NEBL: variants seen among roughly 807,000 people sequenced by gnomAD.
NEBL encodes the protein nebulette.
NEBL carries 122 observed loss-of-function variants against 140.2 expected under a neutral mutation model. The ratio of observed to expected loss-of-function variants is 0.87; its 90% CI spans 0.75 to 1.01. NEBL has a LOEUF of 1.01. NEBL is among the 50% of genes least tolerant of loss of function. The probability of loss-of-function intolerance (pLI) is 0.00; values close to 1 mark genes in which losing one functional copy is unlikely to be tolerated. For synonymous variants in NEBL, 436 were observed against 398.9 expected (o/e 1.09, Z -1.11); for missense variants, 1,365 against 1,231.3 (o/e 1.11, Z -1.62).
At chr10:21,208,058 G>A (rs910472827) in intron 3 of NEBL, among the ~76,000 whole-genome samples, 3 of 152,114 alleles carry the variant, frequency 2.0e-5, no homozygotes, top group Admixed American at 6.6e-5. Context: ...ATGATCACAG[G>A]GTGCCAAGTG....
intron 3 of NEBL, among the ~76,000 whole-genome samples, chr10:20,976,708 G>A (rs1297093001): frequency 6.6e-6 from 1 of 151,926 alleles, no homozygotes; most frequent in African/African-American, 2.4e-5. Context: ...TTATAAATAG[G>A]AGCTAAACAT....
chr10:21,261,930 G>C (rs1842743652), intron 1 of NEBL, among the ~76,000 whole-genome samples: 1 of 152,116 alleles, frequency 6.6e-6, no homozygotes, highest in African/African-American at 2.4e-5. Context: ...GCCGCCTGGA[G>C]ACCATGCAGG....
intron 2 of NEBL, among the ~76,000 whole-genome samples, chr10:21,131,790 A>C (rs978363282): frequency 1.3e-5 from 2 of 152,152 alleles, no homozygotes; most frequent in Non-Finnish European, 2.9e-5. Flanking sequence ...GAAGAAAAAA[A>C]TAAGAAAATG....
chr10:21,237,572 G>A (rs534032399), intron 3 of NEBL, among the ~76,000 whole-genome samples: 1 of 152,016 alleles, frequency 6.6e-6, no homozygotes, highest in East Asian at 1.9e-4. Context: ...CTTCCTTGGA[G>A]ACCATACAGC....
upstream of NEBL, among the ~76,000 whole-genome samples, chr10:21,177,356 T>C (rs543636853): frequency 5.9e-5 from 9 of 152,298 alleles, no homozygotes; most frequent in South Asian, 8.3e-4. Flanking sequence ...AGCCTTCACA[T>C]GACGGGAGTA....
At chr10:21,113,084 G>A (rs1838110103) in intron 2 of NEBL, 4 of 226,806 alleles carry the variant, frequency 1.8e-5, no homozygotes, top group Non-Finnish European at 3.4e-5. Flanking sequence ...AAGAGAAGGA[G>A]AATAAGAATA....
At position 20,783,705 on chromosome 10, in the gene NEBL, T is replaced by C. The variant is rs113384071; in HGVS notation, c.*2042A>G. The C allele has an allele frequency of 3.7e-4, 56 of 152,752 alleles. No individual in the cohort carries two copies. Among genetic ancestry groups the C allele is most frequent in the African/African-American group, 1.3e-3 (55 of 41,578 alleles). 9.5% of individuals were successfully genotyped at this position (152,752 alleles called of 1,614,324 possible). A position where few individuals can be genotyped will look rare whatever the true frequency, so the allele number is the denominator to read the frequency against. The stretch of plus-strand genomic sequence containing the variant: ...GGGTGAAATGTAAATATATACTTAG[T>C]AAAATAAAATTGAGCAGGTATTTTA... On this transcript the variant is annotated 3_prime_UTR_variant, in exon 28 of 28. Transcript: ENST00000377122.
At chr10:20,793,645 C>G (rs577336755) in intron 26 of NEBL, among the ~76,000 whole-genome samples, 1 of 151,994 alleles carries the variant, frequency 6.6e-6, no homozygotes, top group East Asian at 1.9e-4. Flanking sequence ...CCTCCATCTC[C>G]CAGGCTCAAG....
chr10:20,863,425 A>G (rs971368942), intron 7 of NEBL, among the ~76,000 whole-genome samples: 1 of 152,210 alleles, frequency 6.6e-6, no homozygotes, highest in Admixed American at 6.5e-5. Flanking sequence ...AAAGTAAGCA[A>G]ATAACACAAT....
intron 7 of NEBL, chr10:20,868,093 C>G (rs1247154786): frequency 6.8e-6 from 1 of 147,232 alleles, no homozygotes; most frequent in Non-Finnish European, 1.5e-5. Flanking sequence ...ACAGAAGTTG[C>G]ATGACGTTTA....
chr10:20,833,935 G>C (rs1035222817), intron 14 of NEBL, among the ~76,000 whole-genome samples: 2 of 152,142 alleles, frequency 1.3e-5, no homozygotes, highest in East Asian at 3.9e-4. Context: ...GCTGATGACA[G>C]GAATCAAAGT....
At chr10:21,291,775 C>A (rs191598508) in intron 1 of NEBL, among the ~76,000 whole-genome samples, 4 of 151,840 alleles carry the variant, frequency 2.6e-5, no homozygotes, top group Admixed American at 1.3e-4. Flanking sequence ...ATTAGCCAGG[C>A]GTGGTGGTGG....
At chr10:20,921,911 A>T (rs1833605293) in intron 4 of NEBL, among the ~76,000 whole-genome samples, 6 of 152,234 alleles carry the variant, frequency 3.9e-5, no homozygotes. Flanking sequence ...AAATAAGTAC[A>T]TATAAAAATA....
At chr10:21,254,467 A>T (rs1842629063) in intron 1 of NEBL, among the ~76,000 whole-genome samples, 1 of 151,138 alleles carries the variant, frequency 6.6e-6, no homozygotes, top group South Asian at 2.1e-4. Flanking sequence ...TTTCTTTGAG[A>T]TGTTGTCACC....
chr10:20,829,475 T>C (rs999887064), intron 16 of NEBL, among the ~76,000 whole-genome samples: 6 of 151,320 alleles, frequency 4.0e-5, no homozygotes, highest in African/African-American at 1.5e-4. Context: ...TTAGGAGATA[T>C]ACCTAATGCT....
At chr10:20,863,422 G>A (rs982365081) in intron 7 of NEBL, among the ~76,000 whole-genome samples, 8 of 152,234 alleles carry the variant, frequency 5.3e-5, no homozygotes, top group East Asian at 3.9e-4. Context: ...TGAAAAGTAA[G>A]CAAATAACAC....
At chr10:21,201,945 T>C (rs566075976) in intron 3 of NEBL, among the ~76,000 whole-genome samples, 35 of 152,354 alleles carry the variant, frequency 2.3e-4, no homozygotes, top group Admixed American at 1.1e-3. Context: ...GAATATTCTA[T>C]GGAGGAGCTT....
chr10:20,803,953 A>G (rs1371149101), intron 26 of NEBL, among the ~76,000 whole-genome samples: 1 of 151,302 alleles, frequency 6.6e-6, no homozygotes, highest in African/African-American at 2.4e-5. Context: ...AGCCTTCCCC[A>G]AGAGAATTTT....
At chr10:21,011,907 C>T (rs1392234755) in intron 3 of NEBL, among the ~76,000 whole-genome samples, 3 of 152,216 alleles carry the variant, frequency 2.0e-5, no homozygotes, top group African/African-American at 7.2e-5. Context: ...AGGCACATTG[C>T]AGCTGCCATC....
Sources: allele counts gnomAD v4.1 joint callset (sites outside exome capture counted in the v4.1 genomes callset), GRCh38; gene constraint gnomAD v4.1.1; transcripts MANE v1.5; gene names NCBI Gene and HGNC (gene_info 2026-07-23, HGNC 2026-07-21).